HS2ST1: variants seen among roughly 807,000 people sequenced by gnomAD.
HS2ST1 encodes heparan sulfate 2-O-sulfotransferase 1.
A neutral mutation model predicts 42.9 loss-of-function variants in HS2ST1; 18 were observed. The observed-to-expected ratio is 0.42, with a 90% CI of 0.29 to 0.62. The LOEUF is 0.62. Among genes scored for constraint, HS2ST1 ranks in the 20% least tolerant of loss-of-function variants. HS2ST1 has a pLI of 0.21. For synonymous variants in HS2ST1, 146 were observed against 152.9 expected (o/e 0.95, Z 0.33); for missense variants, 334 against 433.8 (o/e 0.77, Z 2.04).
intron 1 of HS2ST1, among the ~76,000 whole-genome samples, chr1:86,931,218 T>C (rs1660533280): frequency 6.6e-6 from 1 of 152,096 alleles, no homozygotes; most frequent in African/African-American, 2.4e-5. Context: ...TTCACATTTA[T>C]TATTCAGTTT....
chr1:86,962,794 T>A (rs1304233497), intron 1 of HS2ST1, among the ~76,000 whole-genome samples: 1 of 152,190 alleles, frequency 6.6e-6, no homozygotes, highest in Non-Finnish European at 1.5e-5. Context: ...TATAGGTAGT[T>A]GTAGATAAGT....
chr1:87,059,185 T>C (rs1320429735), intron 1 of HS2ST1, among the ~76,000 whole-genome samples: 1 of 152,248 alleles, frequency 6.6e-6, no homozygotes, highest in Non-Finnish European at 1.5e-5. Context: ...CCATACGTTT[T>C]TTTGCAGCTG....
In HS2ST1 at chr1:86,925,911, C is replaced by T. The variant is rs553207478; in HGVS notation, c.124+10751C>T. On this transcript the variant is annotated intron_variant, in intron 1 of 6. Coordinates refer to ENST00000370550, the MANE Select transcript of HS2ST1 (RefSeq NM_012262.4). ...ATTATGGGCCATATTTTCTTCTTTA[C>T]GTGTCTGGTAATTTTTAACTGGATG... 7.2e-5 allele frequency among the ~76,000 whole-genome samples: 11 copies of T among 152,230 alleles called. No individual in the cohort carries two copies. The South Asian group carries it at 1.0e-3, about 14-fold the overall frequency.
At chr1:86,943,759 C>T (rs1647233716) in intron 1 of HS2ST1, among the ~76,000 whole-genome samples, 1 of 151,968 alleles carries the variant, frequency 6.6e-6, no homozygotes, top group South Asian at 2.1e-4. Flanking sequence ...GGCAGGGTAG[C>T]TCACACCTGT....
chr1:86,985,598 G>A (rs1055764294), intron 1 of HS2ST1, among the ~76,000 whole-genome samples: 1 of 148,996 alleles, frequency 6.7e-6, no homozygotes, highest in African/African-American at 2.5e-5. Context: ...TTCAATCTTG[G>A]TATACATTTA....
intron 1 of HS2ST1, among the ~76,000 whole-genome samples, chr1:87,021,940 T>C (rs145900311): frequency 2.0e-5 from 3 of 152,358 alleles, no homozygotes; most frequent in African/African-American, 4.8e-5. Context: ...CTACTTCTTA[T>C]GTAGTTTGCA....
intron 1 of HS2ST1, among the ~76,000 whole-genome samples, chr1:86,962,775 A>C (rs771167070): frequency 1.3e-5 from 2 of 152,288 alleles, no homozygotes; most frequent in Middle Eastern, 3.4e-3. Context: ...TTTCAAAGTA[A>C]ATATAGGTTA....
At chr1:86,917,913 G>C (rs1345468533) in intron 1 of HS2ST1, among the ~76,000 whole-genome samples, 2 of 152,128 alleles carry the variant, frequency 1.3e-5, no homozygotes, top group South Asian at 2.1e-4. Flanking sequence ...GAATTAGATA[G>C]CTTATTTTTA....
Position 86,940,961 on chromosome 1 carries a change from T to C in HS2ST1, c.124+25801T>C, listed in dbSNP as rs577530557. Among the ~76,000 whole-genome samples the C allele has an allele frequency of 6.6e-5, 10 of 152,232 alleles. No homozygotes were observed. The South Asian group carries it at 8.3e-4, about 13-fold the overall frequency. On this transcript the variant is annotated intron_variant, in intron 1 of 6. Transcript: ENST00000370550. ...GAGATGGTGCCACTGCACTCCAGCA[T>C]GGGTGACAGAACAAGACCCTGTCTC...
intron 1 of HS2ST1, among the ~76,000 whole-genome samples, chr1:87,051,404 G>A (rs1398638903): frequency 6.6e-6 from 1 of 151,978 alleles, no homozygotes; most frequent in Non-Finnish European, 1.5e-5. Context: ...TTTTCATAAT[G>A]ATCATAATTT....
intron 4 of HS2ST1, among the ~76,000 whole-genome samples, chr1:87,093,276 T>A (rs1651988240): frequency 6.6e-6 from 1 of 152,078 alleles, no homozygotes; most frequent in Non-Finnish European, 1.5e-5. Context: ...CAGACCTAGC[T>A]CTCCTGTCTG....
chr1:86,982,417 C>G (rs1315200437), intron 1 of HS2ST1, among the ~76,000 whole-genome samples: 1 of 152,216 alleles, frequency 6.6e-6, no homozygotes, highest in African/African-American at 2.4e-5. Flanking sequence ...TGCAGATTTT[C>G]CAAACCTTTA....
At chr1:87,071,263 C>G (rs1209741858) in intron 1 of HS2ST1, among the ~76,000 whole-genome samples, 1 of 152,118 alleles carries the variant, frequency 6.6e-6, no homozygotes, top group South Asian at 2.1e-4. Flanking sequence ...AAGATGCATG[C>G]TCTGACAATA....
chr1:86,989,318 G>T (rs1443384791), intron 1 of HS2ST1, among the ~76,000 whole-genome samples: 2 of 152,206 alleles, frequency 1.3e-5, no homozygotes, highest in African/African-American at 4.8e-5. Flanking sequence ...TTATAAAGAA[G>T]CAAGCCTATT....
chr1:86,949,384 C>T (rs992127037), intron 1 of HS2ST1, among the ~76,000 whole-genome samples: 1 of 152,216 alleles, frequency 6.6e-6, no homozygotes, highest in African/African-American at 2.4e-5. Context: ...GCTGAGATTA[C>T]AGGTGTGAGC....
At chr1:86,942,297 C>G (rs183765835) in intron 1 of HS2ST1, among the ~76,000 whole-genome samples, 289 of 152,326 alleles carry the variant, frequency 1.9e-3, no homozygotes, top group Non-Finnish European at 3.5e-3. Flanking sequence ...CCAACTCTTT[C>G]ATCTTTAGTA....
chr1:87,059,250 A>T (rs1023013659), intron 1 of HS2ST1, among the ~76,000 whole-genome samples: 1 of 152,162 alleles, frequency 6.6e-6, no homozygotes, highest in Admixed American at 6.5e-5. Context: ...GTTGTTTATC[A>T]GCTTGTGCTA....
chr1:87,099,752 G>A (rs1652155014), intron 5 of HS2ST1, among the ~76,000 whole-genome samples: 1 of 152,134 alleles, frequency 6.6e-6, no homozygotes, highest in African/African-American at 2.4e-5. Flanking sequence ...TTCTACCTAT[G>A]AGCCTGTGAG....
intron 1 of HS2ST1, among the ~76,000 whole-genome samples, chr1:87,033,367 A>G (rs949062532): frequency 1.3e-5 from 2 of 152,262 alleles, no homozygotes; most frequent in African/African-American, 4.8e-5. Context: ...TTTGCTAGAA[A>G]GAAATACGGA....
Sources: allele counts gnomAD v4.1 joint callset (sites outside exome capture counted in the v4.1 genomes callset), GRCh38; gene constraint gnomAD v4.1.1; transcripts MANE v1.5; gene names NCBI Gene and HGNC (gene_info 2026-07-23, HGNC 2026-07-21).